MYBPC3: variants seen among roughly 807,000 people sequenced by gnomAD.
MYBPC3 encodes the protein myosin binding protein C3.
MYBPC3 carries 108 observed loss-of-function variants against 159.3 expected under a neutral mutation model. The ratio of observed to expected loss-of-function variants is 0.68; its 90% CI spans 0.58 to 0.80. MYBPC3 has a LOEUF of 0.80. Among genes scored for constraint, MYBPC3 ranks in the 30% least tolerant of loss-of-function variants. The pLI is 0.00. For synonymous variants in MYBPC3, 730 were observed against 702.0 expected (o/e 1.04, Z -0.63); for missense variants, 1,631 against 1,762.1 (o/e 0.93, Z 1.33).
chr11:47,340,148 C>T (rs1008130748), intron 20 of MYBPC3, among the ~76,000 whole-genome samples: 4 of 151,736 alleles, frequency 2.6e-5, no homozygotes, highest in African/African-American at 9.7e-5. Context: ...TATACACATA[C>T]ACACAGACAC....
rs397515998 is a variant in MYBPC3 at position 47,333,699 on chromosome 11, G to C, written c.3048C>G (p.Gly1016=). Reference sequence around the variant, plus strand: ...GGCTGTTGCGGATGCTCACCTCCTCGCCTGCCAGGGGCTGCCCCTCTTTGG... The same window carrying C: ...GGCTGTTGCGGATGCTCACCTCCTCCCCTGCCAGGGGCTGCCCCTCTTTGG... ...TWTKEGQPLA[G]EEVSIRNSPT... Residue 1016 remains glycine (G), a synonymous_variant, in exon 29 of 35, where the codon GGC becomes GGG. Transcript: ENST00000545968. 4 of 1,610,288 alleles carry C rather than the reference G, an allele frequency of 2.5e-6. No homozygotes were observed. Among genetic ancestry groups the C allele is most frequent in the South Asian group, 2.2e-5 (2 of 90,980 alleles).
rs1018275515 is a variant in MYBPC3 at position 47,331,597 on chromosome 11, C to T, written c.*146G>A. ...CCCACTCAGGACTGCCCGACAACTG[C>T]CCTGCTGATCCCCCATCGCAGCACA... On this transcript the variant is annotated 3_prime_UTR_variant, in exon 35 of 35. Transcript: ENST00000545968. 2 of 504,142 alleles carry T rather than the reference C, an allele frequency of 4.0e-6. No individual in the cohort carries two copies. The highest frequency in any genetic ancestry group is 7.2e-6 in the Non-Finnish European group (2 of 279,634). 31.2% of individuals were successfully genotyped at this position (504,142 alleles called of 1,614,324 possible). A position where few individuals can be genotyped will look rare whatever the true frequency, so the allele number is the denominator to read the frequency against.
Position 47,351,390 on chromosome 11 carries a change from A to T in MYBPC3, c.141T>A (p.Ser47Arg), listed in dbSNP as rs1565631846. Residue 47 changes from serine to arginine, a missense_variant, in exon 2 of 35, where the codon AGT becomes AGA. Ser to Arg is a moderately radical substitution (Grantham distance 110). Transcript: ENST00000545968. The surrounding 1 kb of genome is among the most constrained non-coding windows in gnomAD (Gnocchi z 4.2). The part of the protein sequence containing the change: ...GVKVRWQRGG[S>R]DISASNKYGL... ...CGTACTTGTTGCTGGCGCTGATGTC[A>T]CTGCCTCCGCGCTGCCAGCGCACCT... 1 of 1,609,654 alleles carries T rather than the reference A, an allele frequency of 6.2e-7. No homozygotes were observed.
intron 13 of MYBPC3, 63 bp from the exon 14 acceptor site, chr11:47,343,325 G>A: frequency 6.8e-7 from 1 of 1,480,494 alleles, no homozygotes; most frequent in Non-Finnish European, 9.0e-7. Context: ...GAGACAAAAG[G>A]AGAGAGAGAG....
rs397515954 is a variant in MYBPC3, at chr11:47,338,646, C to A, written c.2182G>T (p.Glu728Ter). The A allele has an allele frequency of 6.2e-7, 1 of 1,613,686 alleles. No individual in the cohort carries two copies. Among genetic ancestry groups the A allele is most frequent in the Non-Finnish European group, 8.5e-7 (1 of 1,179,764 alleles). Residue 728 changes from glutamate to a stop codon, truncating the protein, a stop_gained, in exon 23 of 35, where the codon GAG becomes TAG. Coordinates refer to ENST00000545968, the MANE Select transcript of MYBPC3 (RefSeq NM_000256.3). LOFTEE classifies it high-confidence loss of function. The surrounding 1 kb of genome is among the most constrained non-coding windows in gnomAD (Gnocchi z 4.7). ...LCETEGRVRVETTKDRSIFTV... is the reference protein window; with the variant it reads ...LCETEGRVRV ...AAGATGCTGCGGTCCTTGGTGGTCTCCACGCGGACCCGGCCCTCGGTCTCA... is the reference window on the plus strand; with the variant it reads ...AAGATGCTGCGGTCCTTGGTGGTCTACACGCGGACCCGGCCCTCGGTCTCA...
intron 5 of MYBPC3, 138 bp from the exon 6 acceptor site, chr11:47,348,679 G>A (rs1038776448): frequency 2.8e-5 from 17 of 596,542 alleles, no homozygotes; most frequent in South Asian, 1.2e-4. Flanking sequence ...TGAGGCGGGC[G>A]GATCACATAA....
chr11:47,343,821 C>A lies in MYBPC3; in HGVS notation c.1091-197G>T, dbSNP rs11570071. On this transcript the variant is annotated intron_variant, in intron 12 of 34. Coordinates refer to ENST00000545968, the MANE Select transcript of MYBPC3 (RefSeq NM_000256.3). ...TGTTTGTTTTTTGGACAGAGTCTTG[C>A]TCTGTTGGCCAGGCTGGAGTGCAAT... 0.013 allele frequency among the ~76,000 whole-genome samples: 1,932 copies of A among 152,306 alleles called. 14 individuals carry two copies. The highest frequency in any genetic ancestry group is 0.02 in the Non-Finnish European group (1,362 of 68,016).
At chr11:47,341,394 CT>C (rs2095888439) in intron 18 of MYBPC3, 150 bp from the exon 19 acceptor site, 1 of 605,098 alleles carries the variant, frequency 1.7e-6, no homozygotes, top group Non-Finnish European at 2.8e-6. Context: ...TCTATATTAT[CT>C]AATTTTCCAG....
intron 22 of MYBPC3, 40 bp downstream of exon 22, chr11:47,339,284 A>G: frequency 6.2e-7 from 1 of 1,604,842 alleles, no homozygotes; most frequent in Non-Finnish European, 8.5e-7. Flanking sequence ...GAAAGTGATG[A>G]AAGACAAACG....
At chr11:47,339,188 A>G in intron 22 of MYBPC3, 136 bp downstream of exon 22, 1 of 916,390 alleles carries the variant, frequency 1.1e-6, no homozygotes, top group Non-Finnish European at 1.8e-6. Context: ...AGGGCCCCAC[A>G]GGGACCCTGC....
At chr11:47,350,775 G>A (rs1211046524) in intron 2 of MYBPC3, among the ~76,000 whole-genome samples, 160 bp from the exon 3 acceptor site, 1 of 152,204 alleles carries the variant, frequency 6.6e-6, no homozygotes, top group Non-Finnish European at 1.5e-5. Context: ...CTCATGCTGA[G>A]CTGGAGAGCC....
chr11:47,347,194 C>G, intron 9 of MYBPC3, 165 bp from the exon 10 acceptor site: 2 of 985,276 alleles, frequency 2.0e-6, no homozygotes, highest in Non-Finnish European at 2.4e-6. Flanking sequence ...GCTTTTGCAG[C>G]CTCAAGTGTG....
chr11:47,346,880 G>A lies in MYBPC3; in HGVS notation c.908+147C>T. The A allele has an allele frequency of 1.4e-6, 1 of 713,846 alleles. No homozygotes were observed. Among genetic ancestry groups the A allele is most frequent in the East Asian group, 2.7e-5 (1 of 37,682 alleles). 44.2% of individuals were successfully genotyped at this position (713,846 alleles called of 1,614,324 possible). A position where few individuals can be genotyped will look rare whatever the true frequency, so the allele number is the denominator to read the frequency against. ...GACAGATAGGTGGGTGGCAGGAGAA[G>A]CCCAAGGCACAGAGACTCACCCCTG... On this transcript the variant is annotated intron_variant, in intron 10 of 34. Coordinates refer to ENST00000545968, the MANE Select transcript of MYBPC3 (RefSeq NM_000256.3). This position sits in a 1 kb window ranked among gnomAD's most constrained non-coding sequence, Gnocchi z 5.3.
chr11:47,343,729 C>A, intron 12 of MYBPC3, 105 bp from the exon 13 acceptor site: 6 of 1,133,574 alleles, frequency 5.3e-6, no homozygotes, highest in East Asian at 2.6e-5. Context: ...CCTCCAATCC[C>A]CTCTGTGCCG....
In MYBPC3 at chr11:47,350,634, G is replaced by A. The variant is rs764423741; in HGVS notation, c.293-19C>T. On this transcript the variant is annotated intron_variant, in intron 2 of 34. Coordinates refer to ENST00000545968, the MANE Select transcript of MYBPC3 (RefSeq NM_000256.3). ...GCCTTCTCTGGAGGGGATCAGATGGGAGTCGTGGTGCAGCCACTAACCAGA... is the reference window on the plus strand; with the variant it reads ...GCCTTCTCTGGAGGGGATCAGATGGAAGTCGTGGTGCAGCCACTAACCAGA... The A allele has an allele frequency of 2.3e-5, 34 of 1,459,388 alleles. No individual in the cohort carries two copies. The highest frequency in any genetic ancestry group is 3.1e-5 in the Non-Finnish European group (34 of 1,112,962). The allele number at this position is 1,459,388 out of a possible 1,614,324, so 90.4% of individuals were successfully genotyped here.
chr11:47,334,059 G>C, intron 27 of MYBPC3, 49 bp from the exon 28 acceptor site: 1 of 1,514,292 alleles, frequency 6.6e-7, no homozygotes, highest in Non-Finnish European at 9.0e-7. Context: ...ACAGCTCTGA[G>C]GGGCTCCACA....
chr11:47,335,013 G>A, intron 27 of MYBPC3, 29 bp downstream of exon 27: 1 of 1,465,612 alleles, frequency 6.8e-7, no homozygotes, highest in Admixed American at 2.2e-5. Context: ...TCAATGGCGG[G>A]TCTTGTGACT....
At chr11:47,342,261 G>A in intron 17 of MYBPC3, 105 bp from the exon 18 acceptor site, 2 of 1,367,298 alleles carry the variant, frequency 1.5e-6, no homozygotes, top group Non-Finnish European at 2.0e-6. Context: ...CACGTGTCTG[G>A]GTGCATGTGG....
chr11:47,333,097 G>T (rs962895525), intron 30 of MYBPC3, 97 bp downstream of exon 30: 1 of 1,523,286 alleles, frequency 6.6e-7, no homozygotes, highest in Non-Finnish European at 8.8e-7. Flanking sequence ...CAGAGGGAGG[G>T]TGAGGGGTCC....
Sources: gnomAD v4.1 joint callset for allele counts (sites outside exome capture counted in the v4.1 genomes callset) on GRCh38, gnomAD v4.1.1 for gene constraint, Gnocchi (gnomAD v3.1) non-coding constraint, MANE v1.5 for transcripts, NCBI Gene and HGNC (gene_info 2026-07-23, HGNC 2026-07-21) for gene names.